Variants in ZNF91 observed in about 807,000 individuals in gnomAD.
The protein encoded by ZNF91 is zinc finger protein 91, also known as zinc finger protein 91 (HPF7, HTF10).
ZNF91 carries 7 observed loss-of-function variants against 12.6 expected under a neutral mutation model. That is an observed-to-expected ratio of 0.55 (90% CI 0.31 to 1.04). The LOEUF is 1.04. Ranked by LOEUF, ZNF91 falls within the 50% of genes least tolerant of loss-of-function variation. The pLI is 0.05. For synonymous variants in ZNF91, 453 were observed against 462.6 expected (o/e 0.98, Z 0.27); for missense variants, 1,217 against 1,385.4 (o/e 0.88, Z 1.93).
intron 1 of ZNF91, among the ~76,000 whole-genome samples, chr19:23,310,187 C>G (rs918476804): frequency 7.3e-6 from 1 of 137,708 alleles, no homozygotes; most frequent in African/African-American, 2.9e-5. Flanking sequence ...CCATATAAAG[C>G]CCTTGGGTGA....
chr19:23,332,556 C>T (rs1967944930), intron 1 of ZNF91, among the ~76,000 whole-genome samples: 2 of 152,146 alleles, frequency 1.3e-5, no homozygotes, highest in East Asian at 3.9e-4. Flanking sequence ...CAAACAAATA[C>T]TAACTGAAAA....
At chr19:23,323,515 CCTCTA>C (rs1428271787) in intron 1 of ZNF91, among the ~76,000 whole-genome samples, 4 of 125,324 alleles carry the variant, frequency 3.2e-5, no homozygotes, top group African/African-American at 7.0e-5. Flanking sequence ...CCTTTCTTCT[CCTCTA>C]CTCTTCTCCT....
At chr19:23,390,470 G>A (rs1394810069) in intron 1 of ZNF91, among the ~76,000 whole-genome samples, 2 of 152,060 alleles carry the variant, frequency 1.3e-5, no homozygotes, top group Non-Finnish European at 2.9e-5. Flanking sequence ...CTTTATGGTG[G>A]GGGGGCGGAA....
At chr19:23,391,071 A>G (rs1441074238) in intron 1 of ZNF91, among the ~76,000 whole-genome samples, 1 of 152,148 alleles carries the variant, frequency 6.6e-6, no homozygotes, top group Non-Finnish European at 1.5e-5. Context: ...GTTCTGTGAG[A>G]AATTGCCACA....
At chr19:23,383,136 C>T (rs1969773933) in intron 1 of ZNF91, among the ~76,000 whole-genome samples, 1 of 152,096 alleles carries the variant, frequency 6.6e-6, no homozygotes, top group African/African-American at 2.4e-5. Context: ...CAAAAGCTAA[C>T]CCACTATGAG....
intron 1 of ZNF91, among the ~76,000 whole-genome samples, chr19:23,394,164 T>A (rs535957079): frequency 2.2e-4 from 33 of 152,246 alleles, no homozygotes; most frequent in Admixed American, 1.7e-3. Context: ...GAACAGGGGA[T>A]GAGGGGTGGA....
At chr19:23,334,910 A>C (rs1967978753), downstream of ZNF91, among the ~76,000 whole-genome samples, 1 of 152,250 alleles carries the variant, frequency 6.6e-6, no homozygotes, top group African/African-American at 2.4e-5. Flanking sequence ...ATAGTTACTA[A>C]AATGCATATT....
At position 23,371,265 on chromosome 19, in the gene ZNF91, G is replaced by C. The variant is rs954437162; in HGVS notation, c.253+2477C>G. On this transcript the variant is annotated intron_variant, in intron 3 of 3. Transcript: ENST00000300619. Reference sequence around the variant, plus strand: ...AGAGGCTGAGGCAAGAGAATCGCTTGAATCTGGGAGGTGGAGGTTGCAGTG... The same window carrying C: ...AGAGGCTGAGGCAAGAGAATCGCTTCAATCTGGGAGGTGGAGGTTGCAGTG... Among the ~76,000 whole-genome samples the C allele has an allele frequency of 2.0e-5, 3 of 152,118 alleles. 1 individual carries two copies. In the South Asian group the frequency reaches 6.2e-4, roughly 32 times the overall value.
chr19:23,369,643 C>T (rs1040661925), intron 3 of ZNF91, among the ~76,000 whole-genome samples: 8 of 151,836 alleles, frequency 5.3e-5, no homozygotes, highest in African/African-American at 1.9e-4. Flanking sequence ...CAGGAGACTC[C>T]ATTTTGTTCT....
chr19:23,360,282 T>G lies in ZNF91; in HGVS notation c.2697A>C (p.Glu899Asp). The G allele has an allele frequency of 1.9e-6, 3 of 1,613,840 alleles. No homozygotes were observed. Among genetic ancestry groups the G allele is most frequent in the Non-Finnish European group, 1.7e-6 (2 of 1,179,850 alleles). Reference protein sequence around the residue: ...KAFIWSSTLTEHKRIHTREKT... With the variant: ...KAFIWSSTLTDHKRIHTREKT... ...TCTCTCTGGTATGAATTCTCTTATG[T>G]TCAGTAAGGGTTGAGGACCAGATAA... Residue 899 changes from glutamate (E) to aspartate (D), a missense_variant, in exon 4 of 4, where the codon GAA (glutamate) becomes GAC (aspartate). Physicochemically the swap from Glu to Asp is conservative, Grantham distance 45. Around this residue, in one of 2 missense-constraint regions of ZNF91, gnomAD observed 491 missense variants for 489.8 expected, o/e 1.00. Transcript: ENST00000300619.
rs764808086 is a variant in ZNF91, at chr19:23,360,201, A to C, written c.2778T>G (p.Thr926=). The change falls in exon 4 of 4, where the codon ACT becomes ACG. Residue 926 remains threonine, a synonymous_variant. Coordinates refer to ENST00000300619, the MANE Select transcript of ZNF91 (RefSeq NM_003430.4). ...GKAFSQPSHL[T]THKRMHTGEK... is the part of the protein sequence containing the mutation. ...CTCCAGTGTGCATCCTCTTATGTGT[A>C]GTAAGGTGTGAAGGCTGGCTAAATG... The C allele has an allele frequency of 1.3e-4, 206 of 1,613,722 alleles. No homozygotes were observed. The highest frequency in any genetic ancestry group is 1.5e-4 in the Non-Finnish European group (181 of 1,180,002).
At chr19:23,344,334 T>TCCGC (rs1968178343) in intron 3 of ZNF91, among the ~76,000 whole-genome samples, 2 of 152,032 alleles carry the variant, frequency 1.3e-5, no homozygotes, top group Non-Finnish European at 2.9e-5. Flanking sequence ...GACCTCATGA[T>TCCGC]CCGCCCGCCT....
At chr19:23,343,040 C>T (rs1414842792) in intron 3 of ZNF91, among the ~76,000 whole-genome samples, 1 of 152,134 alleles carries the variant, frequency 6.6e-6, no homozygotes, top group Non-Finnish European at 1.5e-5. Context: ...TATATTTTTG[C>T]ATTCTGAGGA....
downstream of ZNF91, among the ~76,000 whole-genome samples, chr19:23,357,529 C>T (rs1290705787): frequency 1.3e-5 from 2 of 152,174 alleles, no homozygotes; most frequent in African/African-American, 4.8e-5. Flanking sequence ...CTTAAACACA[C>T]TCCATAATTT....
At chr19:23,339,703 G>C (rs1381471212) in intron 3 of ZNF91, 1 of 152,114 alleles carries the variant, frequency 6.6e-6, no homozygotes, top group Non-Finnish European at 1.5e-5. Flanking sequence ...ACTTTGGGAG[G>C]CTGAGACAGG....
intron 3 of ZNF91, among the ~76,000 whole-genome samples, chr19:23,362,979 T>C (rs1028440601): frequency 6.6e-6 from 1 of 152,150 alleles, no homozygotes; most frequent in Admixed American, 6.5e-5. Context: ...GTTCACGCCA[T>C]TACCCTGCAC....
chr19:23,323,317 T>C (rs1967751834), intron 1 of ZNF91, among the ~76,000 whole-genome samples: 1 of 146,592 alleles, frequency 6.8e-6, no homozygotes. Flanking sequence ...ATCTTCCTTT[T>C]CTCCATCTTC....
chr19:23,320,221 C>A (rs538472966), intron 1 of ZNF91, among the ~76,000 whole-genome samples: 3 of 152,300 alleles, frequency 2.0e-5, no homozygotes, highest in Admixed American at 2.0e-4. Context: ...CTCATAGGCA[C>A]ATGAGTACTC....
chr19:23,337,014 G>A (rs184512631), downstream of ZNF91, among the ~76,000 whole-genome samples: 13 of 152,268 alleles, frequency 8.5e-5, no homozygotes, highest in Middle Eastern at 3.4e-3. Context: ...TGTGTTGGGT[G>A]CAAGTATAAT....
Sources: gnomAD v4.1 joint callset for allele counts (sites outside exome capture counted in the v4.1 genomes callset) on GRCh38, gnomAD v4.1.1 for gene constraint, gnomAD v4.1.1 regional missense constraint, MANE v1.5 for transcripts, NCBI Gene and HGNC (gene_info 2026-07-23, HGNC 2026-07-21) for gene names.